The following LMO7 variants were observed in gnomAD, a reference collection of about 807,000 sequenced individuals.
The protein encoded by LMO7 is LIM domain 7, also known as LIM domain only protein 7.
LMO7 carries 120 observed loss-of-function variants against 206.5 expected under a neutral mutation model. The ratio of observed to expected loss-of-function variants is 0.58; its 90% CI spans 0.50 to 0.68. LMO7 has a LOEUF of 0.68. Ranked by LOEUF, LMO7 falls within the 30% of genes least tolerant of loss-of-function variation. The pLI is 0.00. For missense variants in LMO7, 1,959 were observed against 1,957.9 expected, an observed-to-expected ratio of 1.00 and a Z score of -0.01; for synonymous variants, 706 against 681.5, an observed-to-expected ratio of 1.04 and a Z score of -0.56.
At chr13:75,785,466 C>A (rs975070251) in intron 4 of LMO7, among the ~76,000 whole-genome samples, 1 of 152,012 alleles carries the variant, frequency 6.6e-6, no homozygotes, top group African/African-American at 2.4e-5. Flanking sequence ...TTAATAAAGG[C>A]AATTATTACA....
chr13:75,671,694 A>G (rs978541927), intron 1 of LMO7, among the ~76,000 whole-genome samples: 2 of 152,210 alleles, frequency 1.3e-5, no homozygotes, highest in African/African-American at 4.8e-5. Flanking sequence ...CACGTCTTAC[A>G]ATAGAAATTT....
intron 4 of LMO7, among the ~76,000 whole-genome samples, chr13:75,765,210 G>A (rs2048692509): frequency 6.6e-6 from 1 of 151,918 alleles, no homozygotes; most frequent in African/African-American, 2.4e-5. Flanking sequence ...TTGGGCTTGA[G>A]GTATGTAAGT....
In LMO7 at chr13:75,853,119, C is replaced by G; in HGVS notation, c.4392C>G (p.Ser1464=). Reference sequence around the variant, plus strand: ...GCGAATCTTTAGATAACCTGGACTCCCCCCGATCCAATTCTTGGAGACAGC... The same window carrying G: ...GCGAATCTTTAGATAACCTGGACTCGCCCCGATCCAATTCTTGGAGACAGC... ...RRGESLDNLD[S]PRSNSWRQPP... The change falls in exon 28 of 31, where the codon TCC becomes TCG. Residue 1464 remains serine (S), a synonymous_variant. Transcript: ENST00000377534. 1 of 1,610,696 alleles carries G rather than the reference C, an allele frequency of 6.2e-7. No individual in the cohort carries two copies. Among genetic ancestry groups the G allele is most frequent in the Non-Finnish European group, 8.5e-7 (1 of 1,178,078 alleles).
rs58269985 is a variant in LMO7, at chr13:75,717,832, T to C, written c.140+4580T>C. 2.4e-3 allele frequency among the ~76,000 whole-genome samples: 363 copies of C among 152,340 alleles called. 4 individuals are homozygous for C. The highest frequency in any genetic ancestry group is 8.3e-3 in the African/African-American group (347 of 41,576). ...TTCATGTAGTGGGAAAGGCTTTTTTTCTTAGAGGTGTTTCTGGTTTTGAAT... is the reference window on the plus strand; with the variant it reads ...TTCATGTAGTGGGAAAGGCTTTTTTCCTTAGAGGTGTTTCTGGTTTTGAAT... On this transcript the variant is annotated intron_variant, in intron 2 of 30. Transcript: ENST00000377534.
At chr13:75,840,900 T>TCTACCTTTTTACCCCAGTGC (rs1331147568) in intron 22 of LMO7, among the ~76,000 whole-genome samples, 3 of 152,168 alleles carry the variant, frequency 2.0e-5, no homozygotes, top group Admixed American at 2.0e-4. Flanking sequence ...ATTCTCAGTG[T>TCTACCTTTTTACCCCAGTGC]CTACCTTTTT....
chr13:75,686,098 T>C (rs1187696004), intron 1 of LMO7, among the ~76,000 whole-genome samples: 1 of 151,934 alleles, frequency 6.6e-6, no homozygotes, highest in Admixed American at 6.6e-5. Context: ...AGGGTGGTTT[T>C]GAACTCCTGG....
In LMO7 at chr13:75,808,137, G is replaced by A. The variant is rs551196085; in HGVS notation, c.1854G>A (p.Lys618=). ...GCCCCTGCAGTGAGGCTGACTTGAAGAGATGGGAGGCCATCCGGGAGGCCA... is the reference window on the plus strand; with the variant it reads ...GCCCCTGCAGTGAGGCTGACTTGAAAAGATGGGAGGCCATCCGGGAGGCCA... The part of the protein sequence containing the change: ...TPGPCSEADL[K]RWEAIREASR... The change falls in exon 10 of 31, where the codon AAG becomes AAA. Residue 618 remains lysine (K), a synonymous_variant. Transcript: ENST00000377534. The A allele has an allele frequency of 4.6e-5, 74 of 1,613,896 alleles. No individual in the cohort carries two copies. In the African/African-American group the frequency reaches 9.7e-4, roughly 21 times the overall value.
intron 1 of LMO7, among the ~76,000 whole-genome samples, chr13:75,638,770 A>G (rs1787285462): frequency 1.3e-5 from 2 of 152,238 alleles, no homozygotes; most frequent in Middle Eastern, 3.4e-3. Context: ...CAAAGCACAT[A>G]TTTTAAAATA....
At chr13:75,717,441 T>C (rs1019740651) in intron 2 of LMO7, among the ~76,000 whole-genome samples, 14 of 151,594 alleles carry the variant, frequency 9.2e-5, no homozygotes, top group African/African-American at 3.1e-4. Flanking sequence ...TTTTCCTTTC[T>C]TGTATCTTGG....
At chr13:75,764,150 C>G (rs1250169657) in intron 4 of LMO7, among the ~76,000 whole-genome samples, 1 of 151,950 alleles carries the variant, frequency 6.6e-6, no homozygotes, top group Non-Finnish European at 1.5e-5. Flanking sequence ...TTTTGATATT[C>G]CTGACTTAAT....
At chr13:75,719,200 G>A (rs977578138) in intron 2 of LMO7, among the ~76,000 whole-genome samples, 2 of 151,932 alleles carry the variant, frequency 1.3e-5, no homozygotes, top group African/African-American at 2.4e-5. Context: ...GGCTGGTCTC[G>A]AACTCCTGAC....
chr13:75,680,097 G>C (rs2040347869), intron 1 of LMO7, among the ~76,000 whole-genome samples: 1 of 152,134 alleles, frequency 6.6e-6, no homozygotes, highest in Non-Finnish European at 1.5e-5. Context: ...CCCTCCCTGT[G>C]TCCATGTGTT....
At chr13:75,825,344 T>G (rs974682378) in intron 15 of LMO7, among the ~76,000 whole-genome samples, 7 of 152,154 alleles carry the variant, frequency 4.6e-5, no homozygotes, top group African/African-American at 1.7e-4. Context: ...AAATAGCAAA[T>G]TCAACAAAGC....
At chr13:75,781,096 C>CTTTTTTTTTTTTTTTTTTTTT (rs367937964) in intron 4 of LMO7, among the ~76,000 whole-genome samples, 7 of 41,924 alleles carry the variant, frequency 1.7e-4, no homozygotes, top group South Asian at 9.0e-4. Context: ...CTCTATTTTC[C>CTTTTTTTTTTTTTTTTTTTTT]TTTTTTTTTT....
At chr13:75,779,422 A>C (rs180687841) in intron 4 of LMO7, among the ~76,000 whole-genome samples, 2 of 152,324 alleles carry the variant, frequency 1.3e-5, no homozygotes, top group East Asian at 3.9e-4. Context: ...GTTGAAATTG[A>C]TTGCAATCAA....
chr13:75,715,767 G>T (rs964497650), intron 2 of LMO7, among the ~76,000 whole-genome samples: 1 of 152,168 alleles, frequency 6.6e-6, no homozygotes, highest in African/African-American at 2.4e-5. Flanking sequence ...GGAAAGCCTG[G>T]CTGGTTGCAC....
At chr13:75,734,178 A>G (rs2045569901) in intron 3 of LMO7, among the ~76,000 whole-genome samples, 1 of 152,196 alleles carries the variant, frequency 6.6e-6, no homozygotes, top group African/African-American at 2.4e-5. Context: ...GGTTCTTTCT[A>G]GCTTTCAAAT....
chr13:75,833,237 A>ATTT, intron 16 of LMO7, 72 bp downstream of exon 16: 1 of 900,290 alleles, frequency 1.1e-6, no homozygotes, highest in Non-Finnish European at 1.9e-6. Flanking sequence ...TGGGGACCAC[A>ATTT]GAAATTAGTG....
chr13:75,775,218 C>T (rs1566430943), intron 4 of LMO7, among the ~76,000 whole-genome samples: 1 of 151,842 alleles, frequency 6.6e-6, no homozygotes, highest in African/African-American at 2.4e-5. Flanking sequence ...GAAAGGGCAC[C>T]CTATTCAATA....
Sources: gnomAD v4.1 joint callset for allele counts (sites outside exome capture counted in the v4.1 genomes callset) on GRCh38, gnomAD v4.1.1 for gene constraint, MANE v1.5 for transcripts, NCBI Gene and HGNC (gene_info 2026-07-23, HGNC 2026-07-21) for gene names.